The following DPP10 variants were observed in gnomAD, a reference collection of about 807,000 sequenced individuals.
DPP10 encodes the protein dipeptidyl peptidase like 10.
Under a neutral mutation model 120.9 loss-of-function variants are expected in DPP10, and 33 were observed. That is an observed-to-expected ratio of 0.27 (90% CI 0.21 to 0.37). The LOEUF (loss-of-function observed/expected upper bound fraction) is 0.37. Among genes scored for constraint, DPP10 ranks in the 10% least tolerant of loss-of-function variants. DPP10 has a pLI of 1.00. For missense variants in DPP10, 816 were observed against 942.8 expected, an observed-to-expected ratio of 0.87 and a Z score of 1.76; for synonymous variants, 337 against 326.1, an observed-to-expected ratio of 1.03 and a Z score of -0.36.
chr2:115,306,399 A>G (rs1212981784), intron 1 of DPP10, among the ~76,000 whole-genome samples: 1 of 152,102 alleles, frequency 6.6e-6, no homozygotes, highest in Non-Finnish European at 1.5e-5. Flanking sequence ...GGAAATGGTA[A>G]TCAGAGCAGC....
intron 2 of DPP10, among the ~76,000 whole-genome samples, chr2:115,333,433 A>G (rs1239517775): frequency 6.6e-6 from 1 of 152,034 alleles, no homozygotes; most frequent in East Asian, 1.9e-4. Flanking sequence ...ATTTAAGGTT[A>G]ATATTGTTAT....
chr2:114,891,179 G>T (rs899096952), intron 1 of DPP10, among the ~76,000 whole-genome samples: 2 of 152,136 alleles, frequency 1.3e-5, no homozygotes, highest in East Asian at 1.9e-4. Flanking sequence ...TCTAGAATGT[G>T]GTTGGCAGCC....
rs147764904 is a variant in DPP10 at position 115,762,593 on chromosome 2, A to G, written c.1096A>G (p.Thr366Ala). 27 of 1,613,512 alleles carry G rather than the reference A, an allele frequency of 1.7e-5. No homozygotes were observed. Among genetic ancestry groups the G allele is most frequent in the Non-Finnish European group, 2.2e-5 (26 of 1,179,894 alleles). The change falls in exon 12 of 26, where the codon ACG becomes GCG. Residue 366 changes from threonine (T) to alanine (A), a missense_variant. Physicochemically the swap from Thr to Ala is moderately conservative, Grantham distance 58. Coordinates refer to ENST00000410059, the MANE Select transcript of DPP10 (RefSeq NM_020868.6). ...CSKKYEMTSDTWLSQQNEEPV... is the reference protein window; with the variant it reads ...CSKKYEMTSDAWLSQQNEEPV... ...TCAGAAATATGAGATGACATCAGATACGTGGCTCTCTCAGCAGGTACAGTA... is the reference window on the plus strand; with the variant it reads ...TCAGAAATATGAGATGACATCAGATGCGTGGCTCTCTCAGCAGGTACAGTA...
chr2:114,558,796 A>G (rs1435169519), intron 1 of DPP10, among the ~76,000 whole-genome samples: 3 of 152,208 alleles, frequency 2.0e-5, no homozygotes, highest in Non-Finnish European at 4.4e-5. Flanking sequence ...CTCCCATGCT[A>G]TAAGCATCTG....
chr2:114,771,914 C>A (rs1681297446), intron 1 of DPP10, among the ~76,000 whole-genome samples: 1 of 151,852 alleles, frequency 6.6e-6, no homozygotes, highest in Admixed American at 6.6e-5. Flanking sequence ...CTTGAAACAC[C>A]CTTTACTCTC....
At chr2:115,251,257 G>C (rs1407575656) in intron 1 of DPP10, among the ~76,000 whole-genome samples, 1 of 152,154 alleles carries the variant, frequency 6.6e-6, no homozygotes, top group Non-Finnish European at 1.5e-5. Flanking sequence ...TGAGAGGTAG[G>C]TTTGATTGGC....
chr2:114,899,990 C>T (rs1693417841), intron 1 of DPP10, among the ~76,000 whole-genome samples: 2 of 152,022 alleles, frequency 1.3e-5, no homozygotes, highest in South Asian at 2.1e-4. Flanking sequence ...AAGATTTATT[C>T]GTGTTAATTT....
chr2:115,756,961 A>AAG (rs1679488121), intron 11 of DPP10, among the ~76,000 whole-genome samples: 1 of 152,136 alleles, frequency 6.6e-6, no homozygotes, highest in Non-Finnish European at 1.5e-5. Flanking sequence ...TACTCCCATA[A>AAG]TAAAGACATT....
At chr2:115,330,800 C>G (rs1002839294) in intron 2 of DPP10, among the ~76,000 whole-genome samples, 2 of 152,036 alleles carry the variant, frequency 1.3e-5, no homozygotes, top group African/African-American at 2.4e-5. Flanking sequence ...TGTTTTGGTA[C>G]GAGTACCATG....
chr2:115,280,316 T>C (rs1042389412), intron 1 of DPP10, among the ~76,000 whole-genome samples: 5 of 152,174 alleles, frequency 3.3e-5, no homozygotes, highest in Admixed American at 6.5e-5. Flanking sequence ...AGCCAGTTTA[T>C]CTATTTAAAA....
At chr2:115,077,271 T>C (rs1381751343) in intron 1 of DPP10, among the ~76,000 whole-genome samples, 1 of 152,146 alleles carries the variant, frequency 6.6e-6, no homozygotes, top group Non-Finnish European at 1.5e-5. Context: ...TATATGTTAG[T>C]TAAATGTTGG....
intron 5 of DPP10, among the ~76,000 whole-genome samples, chr2:115,642,629 C>T (rs577442073): frequency 6.6e-6 from 1 of 152,078 alleles, no homozygotes; most frequent in Admixed American, 6.6e-5. Flanking sequence ...CTTTCAATCT[C>T]TCTATCTCCC....
rs373228956 is a variant in DPP10, at chr2:114,940,266, C to G, written c.61-368973C>G. 5.3e-5 allele frequency among the ~76,000 whole-genome samples: 8 copies of G among 152,270 alleles called. No homozygotes were observed. In the East Asian group the frequency reaches 1.5e-3, roughly 29 times the overall value. ...AACTCTCAGAAATTGCTCTATTACA[C>G]CAAGAAGCTTACACTGCTCTTTGAC... On this transcript the variant is annotated intron_variant, in intron 1 of 25. Transcript: ENST00000410059.
chr2:115,707,272 A>G (rs1213983655), intron 7 of DPP10, among the ~76,000 whole-genome samples: 1 of 151,962 alleles, frequency 6.6e-6, no homozygotes, highest in Non-Finnish European at 1.5e-5. Context: ...CTTTTATAGA[A>G]CACTATATGT....
intron 5 of DPP10, among the ~76,000 whole-genome samples, chr2:115,543,156 G>T (rs2079276724): frequency 6.6e-6 from 1 of 151,950 alleles, no homozygotes; most frequent in Non-Finnish European, 1.5e-5. Context: ...TGAATCAGAG[G>T]ACATTGCATC....
At chr2:115,023,771 T>C (rs1032452553) in intron 1 of DPP10, among the ~76,000 whole-genome samples, 1 of 151,694 alleles carries the variant, frequency 6.6e-6, no homozygotes, top group Non-Finnish European at 1.5e-5. Context: ...AATCAACGAG[T>C]AGATAAAGAA....
intron 1 of DPP10, among the ~76,000 whole-genome samples, chr2:114,744,388 G>A (rs988344100): frequency 5.3e-5 from 8 of 152,156 alleles, no homozygotes; most frequent in African/African-American, 1.2e-4. Context: ...TTCAACAATC[G>A]AATAAGAGAC....
At chr2:115,498,708 G>A (rs1301210572) in intron 3 of DPP10, among the ~76,000 whole-genome samples, 1 of 37,916 alleles carries the variant, frequency 2.6e-5, no homozygotes, top group Non-Finnish European at 4.7e-5. Flanking sequence ...ATATAATTAT[G>A]TATAATTATA....
intron 3 of DPP10, among the ~76,000 whole-genome samples, chr2:115,416,282 C>A (rs1428877188): frequency 6.6e-6 from 1 of 152,080 alleles, no homozygotes; most frequent in Non-Finnish European, 1.5e-5. Context: ...TTATTGGTTT[C>A]CTGGTGTGAC....
Sources: gnomAD v4.1 joint callset for allele counts (sites outside exome capture counted in the v4.1 genomes callset) on GRCh38, gnomAD v4.1.1 for gene constraint, MANE v1.5 for transcripts, NCBI Gene and HGNC (gene_info 2026-07-23, HGNC 2026-07-21) for gene names.